The following UVRAG variants were observed in gnomAD, a reference collection of about 807,000 sequenced individuals.
UVRAG encodes the protein UV radiation resistance associated, also known as UV radiation resistance-associated gene protein.
In UVRAG, 19 loss-of-function variants were observed where a neutral mutation model predicts 78.0. The ratio of observed to expected loss-of-function variants is 0.24; its 90% CI spans 0.17 to 0.36. UVRAG has a LOEUF of 0.36. UVRAG is among the 10% of genes least tolerant of loss of function. The pLI is 1.00. For synonymous variants in UVRAG, 323 were observed against 324.6 expected, an observed-to-expected ratio of 1.00 and a Z score of 0.05; for missense variants, 740 against 853.8, an observed-to-expected ratio of 0.87 and a Z score of 1.66.
intron 7 of UVRAG, among the ~76,000 whole-genome samples, chr11:75,965,626 T>A (rs954671945): frequency 6.6e-6 from 1 of 152,214 alleles, no homozygotes; most frequent in African/African-American, 2.4e-5. Flanking sequence ...ATGTTGGACA[T>A]CTTTTGTTAG....
At chr11:75,932,287 T>G (rs781264655) in intron 6 of UVRAG, among the ~76,000 whole-genome samples, 1 of 151,498 alleles carries the variant, frequency 6.6e-6, no homozygotes, top group Non-Finnish European at 1.5e-5. Context: ...ATTTATTTAT[T>G]TATTTATTTA....
At chr11:76,077,056 A>G (rs1397863525) in intron 13 of UVRAG, among the ~76,000 whole-genome samples, 1 of 149,712 alleles carries the variant, frequency 6.7e-6, no homozygotes, top group East Asian at 1.9e-4. Context: ...TGAATGATGA[A>G]TGAGTCAGTC....
At chr11:75,992,698 T>G (rs1182162344) in intron 8 of UVRAG, among the ~76,000 whole-genome samples, 1 of 152,216 alleles carries the variant, frequency 6.6e-6, no homozygotes, top group Non-Finnish European at 1.5e-5. Context: ...ACCAGATACG[T>G]ACTTGTTCTT....
At chr11:76,123,828 C>T (rs1326518732) in intron 14 of UVRAG, among the ~76,000 whole-genome samples, 2 of 152,090 alleles carry the variant, frequency 1.3e-5, no homozygotes, top group African/African-American at 4.8e-5. Flanking sequence ...TGCAGTGGCT[C>T]GATCTCAGCT....
chr11:76,123,389 C>T (rs1313249850), intron 14 of UVRAG, among the ~76,000 whole-genome samples: 1 of 152,172 alleles, frequency 6.6e-6, no homozygotes, highest in Non-Finnish European at 1.5e-5. Context: ...GATCACGTTT[C>T]AACTTCATTG....
At chr11:75,907,874 C>G (rs1947651797) in intron 5 of UVRAG, among the ~76,000 whole-genome samples, 1 of 152,026 alleles carries the variant, frequency 6.6e-6, no homozygotes, top group African/African-American at 2.4e-5. Flanking sequence ...TTCAGCTGTT[C>G]ATGGTGTATA....
intron 6 of UVRAG, among the ~76,000 whole-genome samples, chr11:75,930,153 A>G (rs746343574): frequency 7.9e-5 from 12 of 152,202 alleles, no homozygotes; most frequent in Non-Finnish European, 1.8e-4. Context: ...ACATTAGGCA[A>G]ATGAATAAAT....
At chr11:76,038,613 A>G (rs558000007) in intron 12 of UVRAG, among the ~76,000 whole-genome samples, 3 of 152,344 alleles carry the variant, frequency 2.0e-5, no homozygotes, top group Non-Finnish European at 2.9e-5. Flanking sequence ...GATGAATGTA[A>G]TAGAATTTTC....
chr11:75,937,302 C>A (rs1277753349), intron 6 of UVRAG, among the ~76,000 whole-genome samples: 1 of 152,168 alleles, frequency 6.6e-6, no homozygotes, highest in African/African-American at 2.4e-5. Flanking sequence ...CACGCCACTG[C>A]ACTCCAGCCT....
intron 1 of UVRAG, among the ~76,000 whole-genome samples, chr11:75,833,861 T>C (rs1296944993): frequency 6.6e-6 from 1 of 152,222 alleles, no homozygotes; most frequent in African/African-American, 2.4e-5. Context: ...AGAACGTCTT[T>C]AAGTGGTTTT....
chr11:75,931,182 T>C (rs1451674230), intron 6 of UVRAG, among the ~76,000 whole-genome samples: 1 of 152,076 alleles, frequency 6.6e-6, no homozygotes, highest in Admixed American at 6.6e-5. Context: ...GATCATTTTT[T>C]TCACTATGGA....
intron 9 of UVRAG, 116 bp downstream of exon 9, chr11:76,004,205 A>G (rs1379333177): frequency 1.1e-6 from 1 of 944,778 alleles, no homozygotes; most frequent in Non-Finnish European, 1.6e-6. Context: ...ATACCTCAGT[A>G]CCACATTCGT....
At chr11:75,862,421 C>T (rs1565350716) in intron 3 of UVRAG, among the ~76,000 whole-genome samples, 1 of 152,144 alleles carries the variant, frequency 6.6e-6, no homozygotes, top group African/African-American at 2.4e-5. Context: ...GTGTTGAAAA[C>T]AAAGAAGACC....
intron 5 of UVRAG, among the ~76,000 whole-genome samples, chr11:75,892,705 G>T (rs1280389056): frequency 6.6e-5 from 10 of 152,058 alleles, no homozygotes; most frequent in Admixed American, 6.6e-4. Context: ...AGCAGATCTT[G>T]CCCCCTTTAC....
At chr11:75,986,638 A>G (rs892992962) in intron 8 of UVRAG, among the ~76,000 whole-genome samples, 6 of 152,186 alleles carry the variant, frequency 3.9e-5, no homozygotes, top group Admixed American at 6.6e-5. Context: ...CCCATACCAT[A>G]TAATTTTGCC....
chr11:75,819,314 G>T (rs577673777), intron 1 of UVRAG, among the ~76,000 whole-genome samples: 1 of 152,100 alleles, frequency 6.6e-6, no homozygotes, highest in South Asian at 2.1e-4. Flanking sequence ...ATTTGAGCAA[G>T]AACTAGTGAC....
intron 14 of UVRAG, among the ~76,000 whole-genome samples, chr11:76,118,069 C>G (rs1463727440): frequency 3.3e-5 from 5 of 152,200 alleles, no homozygotes; most frequent in Non-Finnish European, 7.3e-5. Context: ...TAACTATGAA[C>G]ATGTTACATC....
intron 12 of UVRAG, among the ~76,000 whole-genome samples, chr11:76,032,908 A>G (rs998068517): frequency 6.6e-6 from 1 of 152,220 alleles, no homozygotes; most frequent in Non-Finnish European, 1.5e-5. Flanking sequence ...GAAGAGTATT[A>G]ATATTTAGTC....
intron 2 of UVRAG, among the ~76,000 whole-genome samples, chr11:75,860,239 C>T (rs1260944334): frequency 1.3e-5 from 2 of 152,266 alleles, no homozygotes; most frequent in African/African-American, 2.4e-5. Flanking sequence ...GCCACCACAC[C>T]CAGCCCCCAA....
Sources: gnomAD v4.1 joint callset for allele counts (sites outside exome capture counted in the v4.1 genomes callset) on GRCh38, gnomAD v4.1.1 for gene constraint, MANE v1.5 for transcripts, NCBI Gene and HGNC (gene_info 2026-07-23, HGNC 2026-07-21) for gene names.